Variants in MAST2 observed in about 807,000 individuals in gnomAD.
The protein encoded by MAST2 is microtubule-associated serine/threonine-protein kinase 2.
In MAST2, 70 loss-of-function variants were observed where a neutral mutation model predicts 147.4. The ratio of observed to expected loss-of-function variants is 0.47; its 90% CI spans 0.39 to 0.58. MAST2 has a LOEUF of 0.58. Ranked by LOEUF, MAST2 falls within the 20% of genes least tolerant of loss-of-function variation. MAST2 has a pLI of 0.00. For missense variants in MAST2, 2,080 were observed against 2,302.3 expected (o/e 0.90, Z 1.98); for synonymous variants, 869 against 896.8 (o/e 0.97, Z 0.55).
At chr1:45,979,242 CTAGT>C (rs1407339324) in intron 5 of MAST2, among the ~76,000 whole-genome samples, 2 of 152,136 alleles carry the variant, frequency 1.3e-5, no homozygotes, top group Non-Finnish European at 2.9e-5. Context: ...TCCTTTATAA[CTAGT>C]TAAACTGTAT....
chr1:46,028,683 C>T (rs1557505275), intron 17 of MAST2, 85 bp from the exon 18 acceptor site: 20 of 1,398,774 alleles, frequency 1.4e-5, no homozygotes, highest in African/African-American at 2.9e-5. Context: ...TTCTTCTGCT[C>T]GAGATGGGAG....
chr1:45,827,943 C>G (rs553065468), intron 2 of MAST2, among the ~76,000 whole-genome samples: 1 of 152,154 alleles, frequency 6.6e-6, no homozygotes, highest in East Asian at 1.9e-4. Context: ...CTCCCCGCTT[C>G]TCCTCAGCCT....
intron 3 of MAST2, among the ~76,000 whole-genome samples, chr1:45,876,579 A>G (rs1395718827): frequency 3.3e-5 from 5 of 152,320 alleles, no homozygotes; most frequent in African/African-American, 1.2e-4. Flanking sequence ...ATCTGTCTAA[A>G]TGGGAGTACT....
chr1:45,904,416 C>T (rs1650309480), intron 4 of MAST2, among the ~76,000 whole-genome samples: 1 of 152,126 alleles, frequency 6.6e-6, no homozygotes, highest in Non-Finnish European at 1.5e-5. Flanking sequence ...TCAGGCGATC[C>T]ACCTGCCTTG....
chr1:45,953,165 C>T (rs533202716), intron 4 of MAST2, among the ~76,000 whole-genome samples: 1 of 151,358 alleles, frequency 6.6e-6, no homozygotes, highest in Non-Finnish European at 1.5e-5. Flanking sequence ...TGAATAATAA[C>T]AACTACTTTA....
At chr1:45,833,580 T>A (rs907279413) in intron 3 of MAST2, among the ~76,000 whole-genome samples, 2 of 152,132 alleles carry the variant, frequency 1.3e-5, no homozygotes, top group African/African-American at 4.8e-5. Flanking sequence ...ATAACTGTAT[T>A]TAATCATTTG....
chr1:45,934,003 A>T (rs988637743), intron 4 of MAST2, among the ~76,000 whole-genome samples: 5 of 151,674 alleles, frequency 3.3e-5, no homozygotes. Flanking sequence ...TGGTGTACAG[A>T]TTATTTTGTC....
intron 11 of MAST2, among the ~76,000 whole-genome samples, chr1:46,020,462 C>G (rs1048779789): frequency 8.5e-5 from 13 of 152,088 alleles, no homozygotes; most frequent in Admixed American, 2.6e-4. Context: ...ATTACCCTTA[C>G]GGCCACTTGG....
chr1:46,002,234 A>G (rs1200436226), intron 6 of MAST2, among the ~76,000 whole-genome samples: 1 of 152,126 alleles, frequency 6.6e-6, no homozygotes, highest in Admixed American at 6.6e-5. Context: ...CTTCTCTTTC[A>G]TAAAGTTACT....
intron 3 of MAST2, among the ~76,000 whole-genome samples, chr1:45,860,084 G>A (rs1388888399): frequency 6.6e-6 from 1 of 151,988 alleles, no homozygotes; most frequent in African/African-American, 2.4e-5. Flanking sequence ...TGGGCTGGGC[G>A]GGGTGGCTCA....
At chr1:45,819,382 G>GA (rs1191564658) in intron 1 of MAST2, among the ~76,000 whole-genome samples, 1 of 151,938 alleles carries the variant, frequency 6.6e-6, no homozygotes, top group Non-Finnish European at 1.5e-5. Flanking sequence ...ACAAGAAAAA[G>GA]AAATAAAGGG....
At chr1:45,929,257 G>T (rs570894042) in intron 4 of MAST2, among the ~76,000 whole-genome samples, 21 of 151,870 alleles carry the variant, frequency 1.4e-4, no homozygotes, top group African/African-American at 4.6e-4. Context: ...ACCCTTATTC[G>T]CATTGACTCA....
intron 4 of MAST2, chr1:45,917,561 C>T (rs1385060373): frequency 7.3e-7 from 1 of 1,363,138 alleles, no homozygotes; most frequent in Non-Finnish European, 9.8e-7. Flanking sequence ...GAATCTGGGC[C>T]TTGACAATTG....
Position 45,882,391 on chromosome 1 carries a change from A to C in MAST2, c.496A>C (p.Ser166Arg), listed in dbSNP as rs1206500171. The C allele has an allele frequency of 6.2e-7, 1 of 1,611,948 alleles. No individual in the cohort carries two copies. Among genetic ancestry groups the C allele is most frequent in the Non-Finnish European group, 8.5e-7 (1 of 1,178,190 alleles). Residue 166 changes from serine to arginine, a missense_variant, in exon 4 of 29, where the codon AGC becomes CGC. Ser to Arg is a moderately radical substitution (Grantham distance 110). Transcript: ENST00000361297. Reference protein sequence around the residue: ...LKELSLPRRGSFCRTSNRKSL... With the variant: ...LKELSLPRRGRFCRTSNRKSL... ...GGAGTTGAGCCTTCCAAGAAGAGGC[A>C]GCTTGTAAGTAGATGATTATTACCA...
At chr1:45,951,976 C>T (rs952339527) in intron 4 of MAST2, among the ~76,000 whole-genome samples, 2 of 152,122 alleles carry the variant, frequency 1.3e-5, no homozygotes, top group Non-Finnish European at 2.9e-5. Flanking sequence ...AATAAATCCC[C>T]ATCTAGATAC....
rs545643037 is a variant in MAST2 at position 45,945,803 on chromosome 1, T to G, written c.501-13583T>G. On this transcript the variant is annotated intron_variant, in intron 4 of 28. Coordinates refer to ENST00000361297, the MANE Select transcript of MAST2 (RefSeq NM_015112.3). ...TGTAACCTGTGAGTGGGCTTATAAT[T>G]TGGAGCTTCCAGAGAAATCCAGAGG... Among the ~76,000 whole-genome samples the G allele has an allele frequency of 2.6e-5, 4 of 152,260 alleles. No individual in the cohort carries two copies. In the South Asian group the frequency reaches 8.3e-4, roughly 32 times the overall value.
chr1:46,030,534 C>A, intron 21 of MAST2, 73 bp from the exon 22 acceptor site: 1 of 1,510,010 alleles, frequency 6.6e-7, no homozygotes. Context: ...GTTTCCGATG[C>A]CAAGGATGCT....
At position 45,808,160 on chromosome 1, in the gene MAST2, C is replaced by G. The variant is rs1644194197; in HGVS notation, c.177+4088C>G. Reference sequence around the variant, plus strand: ...CTGTATCATGAAAATAGAATAATTTCTGTGTTGAAATGTGCTTCTCTCTGT... The same window carrying G: ...CTGTATCATGAAAATAGAATAATTTGTGTGTTGAAATGTGCTTCTCTCTGT... On this transcript the variant is annotated intron_variant, in intron 1 of 28. Transcript: ENST00000361297. Among the ~76,000 whole-genome samples the G allele has an allele frequency of 2.0e-5, 3 of 152,178 alleles. No homozygotes were observed. The South Asian group carries it at 6.2e-4, about 31-fold the overall frequency.
chr1:45,977,357 G>A lies in MAST2; in HGVS notation c.592+17880G>A, dbSNP rs534606195. On this transcript the variant is annotated intron_variant, in intron 5 of 28. Coordinates refer to ENST00000361297, the MANE Select transcript of MAST2 (RefSeq NM_015112.3). ...ACAAAAATTAGCCAGGCGTGCTGGCGGGCGCCTATAATCCCAGCTACTCAG... is the reference window on the plus strand; with the variant it reads ...ACAAAAATTAGCCAGGCGTGCTGGCAGGCGCCTATAATCCCAGCTACTCAG... Among the ~76,000 whole-genome samples, 13 of 151,896 alleles carry A rather than the reference G, an allele frequency of 8.6e-5. No individual in the cohort carries two copies. The East Asian group carries it at 1.2e-3, about 14-fold the overall frequency.
Sources: allele counts gnomAD v4.1 joint callset (sites outside exome capture counted in the v4.1 genomes callset), GRCh38; gene constraint gnomAD v4.1.1; transcripts MANE v1.5; gene names NCBI Gene and HGNC (gene_info 2026-07-23, HGNC 2026-07-21).